CTNNA3: variants seen among roughly 807,000 people sequenced by gnomAD.
The protein encoded by CTNNA3 is catenin alpha 3, also known as catenin alpha-3.
A neutral mutation model predicts 95.7 loss-of-function variants in CTNNA3; 76 were observed. That is an observed-to-expected ratio of 0.79 (90% CI 0.66 to 0.96). CTNNA3 has a LOEUF of 0.96. Ranked by LOEUF, CTNNA3 falls within the 40% of genes least tolerant of loss-of-function variation. CTNNA3 has a pLI of 0.00. For missense variants in CTNNA3, 1,191 were observed against 1,089.8 expected, an observed-to-expected ratio of 1.09 and a Z score of -1.31; for synonymous variants, 431 against 374.4, an observed-to-expected ratio of 1.15 and a Z score of -1.74.
intron 12 of CTNNA3, among the ~76,000 whole-genome samples, chr10:66,338,412 C>A (rs2092419432): frequency 6.6e-6 from 1 of 151,966 alleles, no homozygotes; most frequent in Non-Finnish European, 1.5e-5. Context: ...ACATCACTAA[C>A]TTTTATTCTT....
chr10:66,158,392 C>T (rs932135875), intron 13 of CTNNA3, among the ~76,000 whole-genome samples: 2 of 152,058 alleles, frequency 1.3e-5, no homozygotes, highest in East Asian at 1.9e-4. Flanking sequence ...ATCCTAGTAC[C>T]ATTTGTTGAA....
At chr10:67,739,197 G>T (rs954706112) in intron 1 of CTNNA3, among the ~76,000 whole-genome samples, 8 of 152,272 alleles carry the variant, frequency 5.3e-5, no homozygotes, top group African/African-American at 1.9e-4. Context: ...AGAGAGAAAG[G>T]TTGGGTTACC....
intron 9 of CTNNA3, among the ~76,000 whole-genome samples, chr10:66,673,394 T>G (rs990924327): frequency 1.3e-5 from 2 of 152,134 alleles, no homozygotes; most frequent in African/African-American, 4.8e-5. Flanking sequence ...AAAGATTCAT[T>G]AAGTGTTGCT....
chr10:66,121,789 C>T (rs1303314466), intron 13 of CTNNA3, among the ~76,000 whole-genome samples: 2 of 152,092 alleles, frequency 1.3e-5, no homozygotes, highest in Non-Finnish European at 2.9e-5. Context: ...TGCAGTAAGA[C>T]CACACCACTG....
At chr10:66,465,307 C>A (rs1838867624) in intron 11 of CTNNA3, among the ~76,000 whole-genome samples, 1 of 152,150 alleles carries the variant, frequency 6.6e-6, no homozygotes, top group Non-Finnish European at 1.5e-5. Flanking sequence ...GGAAGAAAAT[C>A]TCTTCTGAGA....
chr10:66,528,333 C>A (rs1841341148), intron 10 of CTNNA3, among the ~76,000 whole-genome samples: 1 of 152,164 alleles, frequency 6.6e-6, no homozygotes, highest in Non-Finnish European at 1.5e-5. Context: ...TCATATTTTT[C>A]TATTAAATCA....
chr10:65,992,305 G>A (rs548521523), intron 15 of CTNNA3, among the ~76,000 whole-genome samples: 25 of 152,020 alleles, frequency 1.6e-4, no homozygotes, highest in Non-Finnish European at 3.7e-4. Context: ...TTTGTGGAAT[G>A]CCTTGAGGAA....
chr10:67,124,589 C>A (rs1859627332), intron 7 of CTNNA3, among the ~76,000 whole-genome samples: 1 of 151,996 alleles, frequency 6.6e-6, no homozygotes. Context: ...GATCTGCAGT[C>A]TACAGAGAAA....
intron 5 of CTNNA3, among the ~76,000 whole-genome samples, chr10:67,236,271 A>G (rs1865451625): frequency 6.6e-6 from 1 of 150,536 alleles, no homozygotes; most frequent in Admixed American, 6.6e-5. Flanking sequence ...CAAATGTCCA[A>G]CAATGATAGA....
Position 67,681,463 on chromosome 10 carries a change from T to A in CTNNA3, c.-6+14537A>T, listed in dbSNP as rs187694849. On this transcript the variant is annotated intron_variant, in intron 1 of 17. Transcript: ENST00000433211. Reference sequence around the variant, plus strand: ...ATTATAATGATCAACTGAATAAACATTTAGGAGAAAAATTAAAAATAAAGC... The same window carrying A: ...ATTATAATGATCAACTGAATAAACAATTAGGAGAAAAATTAAAAATAAAGC... 4.6e-5 allele frequency among the ~76,000 whole-genome samples: 7 copies of A among 152,128 alleles called. No homozygotes were observed. In the East Asian group the frequency reaches 1.2e-3, roughly 25 times the overall value.
chr10:67,564,728 C>A, intron 3 of CTNNA3, among the ~76,000 whole-genome samples: 1 of 86,136 alleles, frequency 1.2e-5, no homozygotes, highest in Non-Finnish European at 2.1e-5. Flanking sequence ...TCACTATGAT[C>A]AGGTGGGTTT....
chr10:65,933,642 T>G (rs984902505), intron 17 of CTNNA3, among the ~76,000 whole-genome samples: 13 of 152,080 alleles, frequency 8.5e-5, no homozygotes, highest in Admixed American at 3.9e-4. Flanking sequence ...ATAACACCAG[T>G]GTAAAAAAAA....
At chr10:66,963,987 C>T (rs1849263402) in intron 7 of CTNNA3, among the ~76,000 whole-genome samples, 1 of 151,982 alleles carries the variant, frequency 6.6e-6, no homozygotes, top group Non-Finnish European at 1.5e-5. Context: ...GCTGGGTTTA[C>T]AGGCATGCAC....
intron 7 of CTNNA3, among the ~76,000 whole-genome samples, chr10:66,990,189 A>C (rs1850966662): frequency 2.0e-5 from 3 of 152,140 alleles, no homozygotes; most frequent in Admixed American, 2.0e-4. Flanking sequence ...TCATGAACCA[A>C]GTCAGGTTCT....
intron 4 of CTNNA3, among the ~76,000 whole-genome samples, chr10:67,527,236 G>A (rs1418238960): frequency 1.3e-5 from 2 of 152,028 alleles, no homozygotes; most frequent in Non-Finnish European, 2.9e-5. Context: ...CAGCCTGGGT[G>A]ACAGAAAAAG....
chr10:67,351,476 A>G (rs1340653075), intron 5 of CTNNA3, among the ~76,000 whole-genome samples: 2 of 151,998 alleles, frequency 1.3e-5, no homozygotes, highest in Non-Finnish European at 2.9e-5. Flanking sequence ...ACCATCTACA[A>G]AAAAGATAAT....
chr10:67,398,783 G>A (rs959045975), intron 5 of CTNNA3, among the ~76,000 whole-genome samples: 1 of 152,144 alleles, frequency 6.6e-6, no homozygotes, highest in East Asian at 1.9e-4. Context: ...ATGATAGTGA[G>A]TGAGTTCTCA....
chr10:67,176,650 G>T (rs539915236), intron 7 of CTNNA3, among the ~76,000 whole-genome samples: 7 of 152,352 alleles, frequency 4.6e-5, no homozygotes, highest in African/African-American at 7.2e-5. Context: ...GGATTTTGCA[G>T]ATGTAATTAA....
intron 6 of CTNNA3, 27 bp downstream of exon 6, chr10:67,219,580 T>TCA: frequency 6.3e-7 from 1 of 1,598,032 alleles, no homozygotes; most frequent in Non-Finnish European, 8.5e-7. Flanking sequence ...GGACATCAGA[T>TCA]CACACTTTAT....
Sources: gnomAD v4.1 joint callset for allele counts (sites outside exome capture counted in the v4.1 genomes callset) on GRCh38, gnomAD v4.1.1 for gene constraint, MANE v1.5 for transcripts, NCBI Gene and HGNC (gene_info 2026-07-23, HGNC 2026-07-21) for gene names.